The following PRR16 variants were observed in gnomAD, a reference collection of about 807,000 sequenced individuals.
The protein encoded by PRR16 is protein Largen.
A neutral mutation model predicts 18.2 loss-of-function variants in PRR16; 6 were observed. That is an observed-to-expected ratio of 0.33 (90% CI 0.18 to 0.65). PRR16 has a LOEUF of 0.65. Among genes scored for constraint, PRR16 ranks in the 30% least tolerant of loss-of-function variants. The pLI is 0.74. For missense variants in PRR16, 412 were observed against 376.6 expected (o/e 1.09, Z -0.78); for synonymous variants, 151 against 147.8 (o/e 1.02, Z -0.16).
intron 1 of PRR16, among the ~76,000 whole-genome samples, chr5:120,485,083 A>G (rs1749750449): frequency 6.6e-6 from 1 of 152,042 alleles, no homozygotes; most frequent in Admixed American, 6.6e-5. Flanking sequence ...ATCTGATTTT[A>G]GTGTAATTAT....
chr5:120,745,865 A>ATTTT, the PRR16 span, among the ~76,000 whole-genome samples: 4 of 127,494 alleles, frequency 3.1e-5, no homozygotes, highest in African/African-American at 1.2e-4. Flanking sequence ...CGCCCGGGTA[A>ATTTT]TTTTTTTTTT....
chr5:120,640,355 T>G (rs1755381691), intron 1 of PRR16, among the ~76,000 whole-genome samples: 1 of 152,116 alleles, frequency 6.6e-6, no homozygotes, highest in Non-Finnish European at 1.5e-5. Context: ...AATTTAAATC[T>G]GTGACCTACA....
At chr5:120,669,954 G>A (rs926105687) in intron 1 of PRR16, among the ~76,000 whole-genome samples, 1 of 151,858 alleles carries the variant, frequency 6.6e-6, no homozygotes, top group East Asian at 1.9e-4. Context: ...ACTACCAAAG[G>A]TTTTAGGGTA....
chr5:120,617,720 T>A (rs1417410037), intron 1 of PRR16, among the ~76,000 whole-genome samples: 1 of 152,168 alleles, frequency 6.6e-6, no homozygotes, highest in African/African-American at 2.4e-5. Context: ...TAAATTCACA[T>A]ATTAAGACAA....
chr5:120,772,558 A>G, the PRR16 span, among the ~76,000 whole-genome samples: 1 of 150,262 alleles, frequency 6.7e-6, no homozygotes, highest in Admixed American at 6.7e-5. Flanking sequence ...AAATTCTGCC[A>G]CATTTTAAAA....
the PRR16 span, among the ~76,000 whole-genome samples, chr5:120,740,489 A>AGTACT: frequency 6.6e-6 from 1 of 152,138 alleles, no homozygotes; most frequent in South Asian, 2.1e-4. Flanking sequence ...ACCACACTTT[A>AGTACT]GTACTGTACT....
the PRR16 span, among the ~76,000 whole-genome samples, chr5:120,777,799 A>AT: frequency 6.6e-6 from 1 of 152,122 alleles, no homozygotes; most frequent in Non-Finnish European, 1.5e-5. Flanking sequence ...GTCAGTGCTG[A>AT]TTGATAATGC....
chr5:120,492,516 A>G (rs1750093942), intron 1 of PRR16, among the ~76,000 whole-genome samples: 2 of 152,200 alleles, frequency 1.3e-5, no homozygotes, highest in African/African-American at 4.8e-5. Context: ...TAAAAGCCAT[A>G]TTGATTGTGT....
chr5:120,740,316 CATTT>C, the PRR16 span, among the ~76,000 whole-genome samples: 1 of 152,114 alleles, frequency 6.6e-6, no homozygotes, highest in Admixed American at 6.5e-5. Flanking sequence ...ATTCATAAAA[CATTT>C]ATATAGGCAA....
At chr5:120,473,996 C>T (rs1482070425) in intron 1 of PRR16, among the ~76,000 whole-genome samples, 4 of 152,112 alleles carry the variant, frequency 2.6e-5, no homozygotes, top group African/African-American at 9.7e-5. Flanking sequence ...GGAGCATTTT[C>T]CCAAGTAGGG....
At chr5:120,559,340 G>T (rs1216256939) in intron 1 of PRR16, among the ~76,000 whole-genome samples, 1 of 151,662 alleles carries the variant, frequency 6.6e-6, no homozygotes, top group African/African-American at 2.4e-5. Flanking sequence ...AGAGGTAAGG[G>T]TCTAGTTTCA....
chr5:120,507,374 A>C (rs952555473), intron 1 of PRR16, among the ~76,000 whole-genome samples: 4 of 152,132 alleles, frequency 2.6e-5, no homozygotes, highest in Admixed American at 2.0e-4. Flanking sequence ...TTGCGAAACA[A>C]ATGTTTCAGT....
chr5:120,525,397 T>C lies in PRR16; in HGVS notation c.159+60752T>C, dbSNP rs536904883. Among the ~76,000 whole-genome samples the C allele has an allele frequency of 6.6e-5, 10 of 152,206 alleles. No homozygotes were observed. In the East Asian group the frequency reaches 1.9e-3, roughly 29 times the overall value. On this transcript the variant is annotated intron_variant, in intron 1 of 1. Transcript: ENST00000407149. ...ATTGTAGCTTCATTGTTGTTTCTCT[T>C]TCTTCTTTCCCTTTTAAATTTATGC...
At position 120,603,471 on chromosome 5, in the gene PRR16, G is replaced by A. The variant is rs1362407321; in HGVS notation, c.160-82483G>A. Among the ~76,000 whole-genome samples the A allele has an allele frequency of 2.7e-4, 41 of 151,866 alleles. 1 individual carries two copies. The highest frequency in any genetic ancestry group is 2.6e-3 in the Admixed American group (40 of 15,234). On this transcript the variant is annotated intron_variant, in intron 1 of 1. Coordinates refer to ENST00000407149, the MANE Select transcript of PRR16 (RefSeq NM_001300783.2). The stretch of plus-strand genomic sequence containing the variant: ...CTCTCTTTCTTTATCATCCTAGCTA[G>A]CAGTCTATCAATCTTGCTTATTCTT...
At chr5:120,628,010 G>A (rs1466576650) in intron 1 of PRR16, among the ~76,000 whole-genome samples, 1 of 151,910 alleles carries the variant, frequency 6.6e-6, no homozygotes, top group Non-Finnish European at 1.5e-5. Context: ...TCCTTACTCT[G>A]GTGAATGTAT....
chr5:120,627,210 A>G (rs537147728), intron 1 of PRR16, among the ~76,000 whole-genome samples: 132 of 152,268 alleles, frequency 8.7e-4, no homozygotes, highest in African/African-American at 3.1e-3. Context: ...AGCCTAAATC[A>G]TGTAGCTATT....
chr5:120,678,162 G>A (rs1756866818), intron 1 of PRR16, among the ~76,000 whole-genome samples: 1 of 152,096 alleles, frequency 6.6e-6, no homozygotes, highest in Non-Finnish European at 1.5e-5. Flanking sequence ...GCCTGCCTCG[G>A]CCTCCCAAAG....
chr5:120,643,651 G>A (rs543120592), intron 1 of PRR16, among the ~76,000 whole-genome samples: 26 of 152,090 alleles, frequency 1.7e-4, no homozygotes, highest in African/African-American at 4.8e-4. Flanking sequence ...GGTCATCTCC[G>A]TTCCAGATAG....
chr5:120,634,138 T>C (rs1755151219), intron 1 of PRR16, among the ~76,000 whole-genome samples: 2 of 152,098 alleles, frequency 1.3e-5, no homozygotes, highest in Non-Finnish European at 2.9e-5. Context: ...CTCAAAACCA[T>C]GCTAACACAT....
Sources: gnomAD v4.1 joint callset for allele counts (sites outside exome capture counted in the v4.1 genomes callset) on GRCh38, gnomAD v4.1.1 for gene constraint, MANE v1.5 for transcripts, NCBI Gene and HGNC (gene_info 2026-07-23, HGNC 2026-07-21) for gene names.